KIF15: variants seen among roughly 807,000 people sequenced by gnomAD.
KIF15 encodes kinesin family member 15, also known as kinesin-like protein KIF15.
Under a neutral mutation model 190.6 loss-of-function variants are expected in KIF15, and 140 were observed. That is an observed-to-expected ratio of 0.73 (90% confidence interval 0.64 to 0.84). The LOEUF is 0.84. Ranked by LOEUF, KIF15 falls within the 40% of genes least tolerant of loss-of-function variation. The pLI is 0.00. For synonymous variants in KIF15, 528 were observed against 551.3 expected (o/e 0.96, Z 0.59); for missense variants, 1,372 against 1,584.4 (o/e 0.87, Z 2.28).
chr3:44,834,911 C>T (rs949274172), intron 26 of KIF15, among the ~76,000 whole-genome samples: 35 of 151,062 alleles, frequency 2.3e-4, no homozygotes, highest in South Asian at 8.3e-4. Flanking sequence ...CCAGCTAGGG[C>T]GACAGAGCGA....
chr3:44,817,140 G>A (rs933946492), intron 20 of KIF15, among the ~76,000 whole-genome samples: 31 of 151,938 alleles, frequency 2.0e-4, no homozygotes, highest in Non-Finnish European at 3.7e-4. Context: ...CTGGATATTA[G>A]CCCTTTGTCA....
intron 6 of KIF15, 86 bp from the exon 7 acceptor site, chr3:44,786,309 G>A: frequency 9.2e-7 from 1 of 1,090,062 alleles, no homozygotes; most frequent in Non-Finnish European, 1.3e-6. Context: ...TTTACATCTT[G>A]TGAAGCGAGT....
intron 20 of KIF15, among the ~76,000 whole-genome samples, chr3:44,818,335 A>G (rs952036463): frequency 7.2e-5 from 11 of 152,186 alleles, no homozygotes; most frequent in Non-Finnish European, 2.9e-5. Flanking sequence ...TTCAAAGGGA[A>G]TGCTTCCAGT....
At chr3:44,848,165 CTTT>C in intron 31 of KIF15, 108 bp downstream of exon 31, 2 of 691,436 alleles carry the variant, frequency 2.9e-6, no homozygotes, top group Admixed American at 5.8e-5. Context: ...AAATTCCTGT[CTTT>C]TCTGCATTTC....
chr3:44,806,371 A>G (rs917148678), intron 16 of KIF15, among the ~76,000 whole-genome samples: 2 of 152,214 alleles, frequency 1.3e-5, no homozygotes, highest in African/African-American at 4.8e-5. Context: ...GGCAGCTATT[A>G]CTACAATATA....
rs144597579 is a variant in KIF15 at position 44,822,203 on chromosome 3, G to A, written c.2550-3836G>A. Among the ~76,000 whole-genome samples, 20 of 152,282 alleles carry A rather than the reference G, an allele frequency of 1.3e-4. No individual in the cohort carries two copies. In the East Asian group the frequency reaches 3.3e-3, roughly 25 times the overall value. ...GAGCTCTTGTAAGTCAGGCCTGATG[G>A]TGACAAAATCTCTCAGCATTTGCTT... On this transcript the variant is annotated intron_variant, in intron 20 of 34. Coordinates refer to ENST00000326047, the MANE Select transcript of KIF15 (RefSeq NM_020242.3).
intron 7 of KIF15, among the ~76,000 whole-genome samples, chr3:44,789,668 ATATATATATATATATATATATAT>A (rs1706584281): frequency 1.5e-5 from 2 of 132,030 alleles, no homozygotes; most frequent in South Asian, 2.4e-4. Context: ...ATATATATAT[ATATATATATATATATATATATAT>A]AAAATAGATA....
intron 27 of KIF15, among the ~76,000 whole-genome samples, chr3:44,839,875 G>C (rs556707484): frequency 8.1e-4 from 123 of 152,154 alleles, no homozygotes; most frequent in Non-Finnish European, 1.5e-3. Flanking sequence ...TTAAGACTAA[G>C]TAGTATTTCA....
chr3:44,775,266 T>A lies in KIF15; in HGVS notation c.75T>A (p.Asp25Glu), dbSNP rs34893204. Residue 25 changes from aspartate (D) to glutamate (E), a missense_variant, in exon 3 of 35, where the codon GAT (aspartate) becomes GAA (glutamate). Physicochemically the swap from Asp to Glu is conservative, Grantham distance 45 (BLOSUM62 2). Transcript: ENST00000326047. ...TTTTTGTCTTTAGTAATGAAGGTGATGCCATCAAAGTTTTTGTGCGAATTC... is the reference window on the plus strand; with the variant it reads ...TTTTTGTCTTTAGTAATGAAGGTGAAGCCATCAAAGTTTTTGTGCGAATTC... ...GQSNQPSNEG[D>E]AIKVFVRIRP... The A allele has an allele frequency of 1.5e-5, 25 of 1,613,118 alleles. No homozygotes were observed. The African/African-American group carries it at 3.1e-4, about 20-fold the overall frequency.
rs1223289970 is a variant in KIF15, at chr3:44,794,217, G to A, written c.640G>A (p.Val214Met). The part of the protein sequence containing the change: ...VVTSAAEAYQ[V>M]LSGGWRNRRV... ...TTTAATATGTTTTCCTTTTGCATAG[G>A]TGTTGTCTGGAGGATGGAGGAATAG... Residue 214 changes from valine to methionine, a missense_variant and splice_region_variant, in exon 8 of 35, where the codon GTG (valine) becomes ATG (methionine). Val to Met is a conservative substitution (Grantham distance 21, BLOSUM62 1). Transcript: ENST00000326047. The A allele has an allele frequency of 1.2e-6, 2 of 1,611,970 alleles. No homozygotes were observed. Among genetic ancestry groups the A allele is most frequent in the Non-Finnish European group, 1.7e-6 (2 of 1,178,924 alleles).
chr3:44,771,410 C>A (rs1705635867), intron 1 of KIF15, among the ~76,000 whole-genome samples: 1 of 151,866 alleles, frequency 6.6e-6, no homozygotes, highest in African/African-American at 2.4e-5. Context: ...TAAAATATAA[C>A]CTGAAGAAGA....
At chr3:44,862,672 C>T (rs1341317788) in intron 6 of KIF15, 3 of 152,044 alleles carry the variant, frequency 2.0e-5, no homozygotes, top group Admixed American at 2.0e-4. Flanking sequence ...TGGATGTTTT[C>T]CTGACGCTGA....
At chr3:44,771,802 A>C (rs1705651847) in intron 1 of KIF15, among the ~76,000 whole-genome samples, 2 of 152,194 alleles carry the variant, frequency 1.3e-5, no homozygotes, top group African/African-American at 4.8e-5. Flanking sequence ...TTTTGAATTT[A>C]ATCAGTATGT....
Position 44,775,547 on chromosome 3 carries a change from C to A in KIF15, c.246+110C>A. Reference sequence around the variant, plus strand: ...CTCGGCTCACTGCACCCTCTGCCTCCCGGGTTCAAGTGATTCTCCTGCCTC... The same window carrying A: ...CTCGGCTCACTGCACCCTCTGCCTCACGGGTTCAAGTGATTCTCCTGCCTC... On this transcript the variant is annotated intron_variant, in intron 3 of 34. Transcript: ENST00000326047. 4.1e-6 allele frequency: 3 copies of A among 740,396 alleles called. No homozygotes were observed. The South Asian group carries it at 6.3e-5, about 16-fold the overall frequency. 45.9% of individuals were successfully genotyped at this position (740,396 alleles called of 1,614,324 possible).
chr3:44,793,815 G>C (rs778165647), intron 7 of KIF15, among the ~76,000 whole-genome samples: 4 of 151,224 alleles, frequency 2.6e-5, no homozygotes, highest in Non-Finnish European at 5.9e-5. Context: ...AATAAAATGA[G>C]TGATTCTCAA....
intron 19 of KIF15, 43 bp from the exon 20 acceptor site, chr3:44,814,868 G>A (rs769264115): frequency 1.3e-6 from 2 of 1,507,794 alleles, no homozygotes; most frequent in Non-Finnish European, 1.8e-6. Flanking sequence ...TTATTTGTCT[G>A]CTTTAAGAAA....
chr3:44,865,342 A>T (rs768067193), intron 6 of KIF15: 32 of 883,896 alleles, frequency 3.6e-5, no homozygotes, highest in Non-Finnish European at 5.0e-5. Context: ...CTGTAAGGAG[A>T]GGTGCAGCTG....
Position 44,784,862 on chromosome 3 carries a change from A to C in KIF15, c.379A>C (p.Asn127His), listed in dbSNP as rs772417172. The C allele has an allele frequency of 2.0e-5, 31 of 1,549,658 alleles. No homozygotes were observed. In the Admixed American group the frequency reaches 5.9e-4, roughly 30 times the overall value. The change falls in exon 6 of 35, where the codon AAT becomes CAT. Residue 127 changes from asparagine to histidine, a missense_variant. Physicochemically the swap from Asn to His is moderately conservative, Grantham distance 68. Coordinates refer to ENST00000326047, the MANE Select transcript of KIF15 (RefSeq NM_020242.3). The stretch of plus-strand genomic sequence containing the variant: ...TTTTTTAGGACCATCTGAATCTGAT[A>C]ATTTTTCTCATAACCTGAGAGGAGT... ...FTMMGPSESDNFSHNLRGVIP... is the reference protein window; with the variant it reads ...FTMMGPSESDHFSHNLRGVIP...
chr3:44,820,777 G>T (rs1344637647), intron 20 of KIF15, among the ~76,000 whole-genome samples: 1 of 151,948 alleles, frequency 6.6e-6, no homozygotes, highest in Admixed American at 6.5e-5. Context: ...GCAACCATCC[G>T]ATTTCTCACT....
Sources: gnomAD v4.1 joint callset for allele counts (sites outside exome capture counted in the v4.1 genomes callset) on GRCh38, gnomAD v4.1.1 for gene constraint, MANE v1.5 for transcripts, NCBI Gene and HGNC (gene_info 2026-07-23, HGNC 2026-07-21) for gene names.